Variants in KLF12 observed in about 807,000 individuals in gnomAD.
KLF12 encodes KLF transcription factor 12.
In KLF12, 9 loss-of-function variants were observed where a neutral mutation model predicts 37.8. The observed-to-expected ratio is 0.24, with a 90% CI of 0.14 to 0.42. The LOEUF (loss-of-function observed/expected upper bound fraction) is 0.42, where lower values mean the gene tolerates loss of function less well. KLF12 is among the 10% of genes least tolerant of loss of function. The pLI, the probability that KLF12 is intolerant of heterozygous loss-of-function variation, is 1.00. For synonymous variants in KLF12, 208 were observed against 202.1 expected, an observed-to-expected ratio of 1.03 and a Z score of -0.25; for missense variants, 411 against 516.0, an observed-to-expected ratio of 0.80 and a Z score of 1.97.
chr13:74,157,512 C>T, the KLF12 span, among the ~76,000 whole-genome samples: 1 of 152,184 alleles, frequency 6.6e-6, no homozygotes, highest in Non-Finnish European at 1.5e-5. Flanking sequence ...TGGCTATGCT[C>T]ACCCACCCTA....
At chr13:73,803,989 C>T (rs1377868117) in intron 5 of KLF12, among the ~76,000 whole-genome samples, 2 of 152,092 alleles carry the variant, frequency 1.3e-5, no homozygotes, top group Non-Finnish European at 2.9e-5. Flanking sequence ...TTGATCATAC[C>T]ATTTCCACTT....
chr13:74,249,940 A>C, the KLF12 span, among the ~76,000 whole-genome samples: 4 of 152,166 alleles, frequency 2.6e-5, no homozygotes, highest in African/African-American at 7.2e-5. Flanking sequence ...TCTCTTTAGT[A>C]ATCAGGTCAC....
intron 6 of KLF12, among the ~76,000 whole-genome samples, chr13:73,763,772 T>C (rs1327471752): frequency 1.3e-5 from 2 of 152,242 alleles, no homozygotes; most frequent in Middle Eastern, 3.4e-3. Context: ...CATCATATTA[T>C]TACTCCCTTA....
At chr13:73,709,446 C>A (rs921969971) in intron 7 of KLF12, among the ~76,000 whole-genome samples, 4 of 152,116 alleles carry the variant, frequency 2.6e-5, no homozygotes, top group Non-Finnish European at 5.9e-5. Flanking sequence ...AAAGGTAAGG[C>A]TAAGAAGATG....
At chr13:74,157,459 C>T in the KLF12 span, among the ~76,000 whole-genome samples, 1 of 152,266 alleles carries the variant, frequency 6.6e-6, no homozygotes, top group African/African-American at 2.4e-5. Flanking sequence ...GCATGTTACC[C>T]TAGACTTAAC....
At chr13:74,138,040 G>A (rs1013406115), upstream of KLF12, among the ~76,000 whole-genome samples, 2 of 152,240 alleles carry the variant, frequency 1.3e-5, no homozygotes, top group African/African-American at 4.8e-5. Flanking sequence ...ACAGGCGGGA[G>A]CCACCGCGCC....
chr13:74,172,751 C>CG, the KLF12 span, among the ~76,000 whole-genome samples: 3 of 152,104 alleles, frequency 2.0e-5, no homozygotes, highest in East Asian at 5.8e-4. Flanking sequence ...TGAGATGGCC[C>CG]GGGTTGACTA....
chr13:73,865,444 T>G (rs1886126044), intron 3 of KLF12, among the ~76,000 whole-genome samples: 1 of 152,202 alleles, frequency 6.6e-6, no homozygotes, highest in Admixed American at 6.5e-5. Context: ...AAGTGCATTT[T>G]AAGACACTGG....
intron 1 of KLF12, among the ~76,000 whole-genome samples, chr13:74,008,143 A>G (rs1892462407): frequency 6.6e-6 from 1 of 152,226 alleles, no homozygotes; most frequent in Admixed American, 6.5e-5. Context: ...GCATATACTT[A>G]TGATTTATAC....
chr13:74,176,170 T>C, the KLF12 span, among the ~76,000 whole-genome samples: 1 of 152,164 alleles, frequency 6.6e-6, no homozygotes, highest in Non-Finnish European at 1.5e-5. Flanking sequence ...CTTATCAGCA[T>C]TGTGTTGGTG....
chr13:74,202,461 C>A, the KLF12 span, among the ~76,000 whole-genome samples: 2 of 152,108 alleles, frequency 1.3e-5, no homozygotes, highest in Non-Finnish European at 2.9e-5. Context: ...ACTGCCCCCA[C>A]CCCTACCTGT....
chr13:74,000,959 G>T (rs1038158521), intron 1 of KLF12, among the ~76,000 whole-genome samples: 2 of 152,168 alleles, frequency 1.3e-5, no homozygotes, highest in Non-Finnish European at 2.9e-5. Flanking sequence ...AATCTGATTT[G>T]TACTGCAAAG....
At chr13:74,055,871 C>G (rs762979936) in intron 1 of KLF12, among the ~76,000 whole-genome samples, 2 of 152,180 alleles carry the variant, frequency 1.3e-5, no homozygotes, top group African/African-American at 2.4e-5. Context: ...GGACAAACAG[C>G]AGGCTTGGAT....
chr13:73,995,446 C>G (rs1207311347), intron 1 of KLF12, among the ~76,000 whole-genome samples: 5 of 152,122 alleles, frequency 3.3e-5, no homozygotes, highest in African/African-American at 1.2e-4. Context: ...CCCAAATACT[C>G]AAACTGGAAC....
chr13:73,818,361 T>C (rs1004027692), intron 4 of KLF12, among the ~76,000 whole-genome samples: 9 of 152,214 alleles, frequency 5.9e-5, no homozygotes, highest in African/African-American at 2.2e-4. Flanking sequence ...GATGCTCATA[T>C]GGGTGGGTTC....
chr13:73,711,689 G>A (rs965827397), intron 7 of KLF12, among the ~76,000 whole-genome samples: 2 of 152,174 alleles, frequency 1.3e-5, no homozygotes, highest in African/African-American at 4.8e-5. Flanking sequence ...CTGATGAGAT[G>A]TACAAGGAGA....
Position 73,821,519 on chromosome 13 carries a change from T to C in KLF12, c.671-8232A>G, listed in dbSNP as rs188458957. 5.3e-4 allele frequency among the ~76,000 whole-genome samples: 80 copies of C among 152,364 alleles called. 1 individual carries two copies. Among genetic ancestry groups the C allele is most frequent in the African/African-American group, 1.8e-3 (75 of 41,596 alleles). On this transcript the variant is annotated intron_variant, in intron 4 of 7. Transcript: ENST00000377669. ...GCCCCTCATTAAATCGGATGCTAAG[T>C]GCTCTTGCTTTTACCCAATGATTAT... is the stretch of plus-strand genomic sequence containing the variant.
the KLF12 span, among the ~76,000 whole-genome samples, chr13:74,206,928 C>T: frequency 6.6e-6 from 1 of 152,180 alleles, no homozygotes; most frequent in Non-Finnish European, 1.5e-5. Flanking sequence ...CAAACCTTGT[C>T]TAAGTCATTG....
At chr13:74,247,482 A>G in the KLF12 span, among the ~76,000 whole-genome samples, 1 of 152,188 alleles carries the variant, frequency 6.6e-6, no homozygotes, top group Non-Finnish European at 1.5e-5. Context: ...GTGAAGAAGA[A>G]AGATGAAGGG....
Sources: gnomAD v4.1 joint callset for allele counts (sites outside exome capture counted in the v4.1 genomes callset) on GRCh38, gnomAD v4.1.1 for gene constraint, MANE v1.5 for transcripts, NCBI Gene and HGNC (gene_info 2026-07-23, HGNC 2026-07-21) for gene names.